JAKMIP1: variants seen among roughly 807,000 people sequenced by gnomAD.
The protein encoded by JAKMIP1 is janus kinase and microtubule-interacting protein 1.
JAKMIP1 carries 33 observed loss-of-function variants against 113.0 expected under a neutral mutation model. The ratio of observed to expected loss-of-function variants is 0.29; its 90% CI spans 0.22 to 0.39. JAKMIP1 has a LOEUF of 0.39. JAKMIP1 is among the 10% of genes least tolerant of loss of function. The pLI is 1.00. For missense variants in JAKMIP1, 813 were observed against 1,080.5 expected (o/e 0.75, Z 3.47); for synonymous variants, 480 against 459.9 (o/e 1.04, Z -0.56).
chr4:6,133,745 CT>C (rs1236648758), intron 1 of JAKMIP1, among the ~76,000 whole-genome samples: 1 of 152,226 alleles, frequency 6.6e-6, no homozygotes, highest in African/African-American at 2.4e-5. Flanking sequence ...CTTGGCAAAT[CT>C]GCCACACAGT....
intron 1 of JAKMIP1, among the ~76,000 whole-genome samples, chr4:6,196,303 A>G (rs1370370939): frequency 1.3e-5 from 2 of 151,956 alleles, no homozygotes; most frequent in Non-Finnish European, 1.5e-5. Flanking sequence ...GGGCTTCCTA[A>G]CCCAGCCCTT....
At chr4:6,125,489 C>T (rs1717291388) in intron 1 of JAKMIP1, among the ~76,000 whole-genome samples, 1 of 152,210 alleles carries the variant, frequency 6.6e-6, no homozygotes, top group South Asian at 2.1e-4. Context: ...CCAACAGACA[C>T]CTGAGAGTCC....
chr4:6,032,291 T>C (rs1363906304), intron 19 of JAKMIP1, among the ~76,000 whole-genome samples: 5 of 152,238 alleles, frequency 3.3e-5, no homozygotes, highest in African/African-American at 1.2e-4. Flanking sequence ...AAAATCAGCC[T>C]GACAACCTGG....
At chr4:6,096,162 G>C (rs1186601133) in intron 3 of JAKMIP1, among the ~76,000 whole-genome samples, 1 of 152,186 alleles carries the variant, frequency 6.6e-6, no homozygotes, top group Non-Finnish European at 1.5e-5. Context: ...AAAGGCACCT[G>C]CTGTCTTCTC....
chr4:6,169,072 G>A (rs1292637033), intron 1 of JAKMIP1, among the ~76,000 whole-genome samples: 1 of 152,180 alleles, frequency 6.6e-6, no homozygotes, highest in Non-Finnish European at 1.5e-5. Flanking sequence ...GCATAACACT[G>A]TGAATATATT....
rs1019372538 is a variant in JAKMIP1, at chr4:6,154,693, G to A, written c.-147-41696C>T. Among the ~76,000 whole-genome samples, 8 of 151,866 alleles carry A rather than the reference G, an allele frequency of 5.3e-5. No individual in the cohort carries two copies. Among genetic ancestry groups the A allele is most frequent in the Non-Finnish European group, 1.0e-4 (7 of 68,002 alleles). ...AATGGAATTCTTTTCAATCCGGCCC[G>A]CTGAACCCCTCTTTCAGTTTACTTA... On this transcript the variant is annotated intron_variant, in intron 1 of 20. Coordinates refer to ENST00000409021, the MANE Select transcript of JAKMIP1 (RefSeq NM_001099433.2). The surrounding 1 kb of genome is among the most constrained non-coding windows in gnomAD (Gnocchi z 4.2).
intron 1 of JAKMIP1, among the ~76,000 whole-genome samples, chr4:6,196,770 A>G (rs1026210813): frequency 5.3e-5 from 8 of 151,956 alleles, no homozygotes; most frequent in Non-Finnish European, 8.8e-5. Flanking sequence ...CTGAGGCAGG[A>G]GAATCACTTG....
rs551858092 is a variant in JAKMIP1, at chr4:6,052,360, T to C, written c.1807-1681A>G. 1.1e-4 allele frequency among the ~76,000 whole-genome samples: 16 copies of C among 152,246 alleles called. No homozygotes were observed. In the South Asian group the frequency reaches 3.3e-3, roughly 32 times the overall value. Reference sequence around the variant, plus strand: ...AGATTTTATATGAACAAAAGTCATTTTGTAGGCCGGGCATGGTAGCTTATA... The same window carrying C: ...AGATTTTATATGAACAAAAGTCATTCTGTAGGCCGGGCATGGTAGCTTATA... On this transcript the variant is annotated intron_variant, in intron 13 of 20. Coordinates refer to ENST00000409021, the MANE Select transcript of JAKMIP1 (RefSeq NM_001099433.2).
chr4:6,164,584 C>T (rs1222651282), intron 1 of JAKMIP1, among the ~76,000 whole-genome samples: 2 of 152,092 alleles, frequency 1.3e-5, no homozygotes, highest in African/African-American at 2.4e-5. Flanking sequence ...GATAGTGATT[C>T]CTCTGATGTA....
intron 8 of JAKMIP1, among the ~76,000 whole-genome samples, chr4:6,078,140 C>G (rs1444391849): frequency 6.6e-6 from 1 of 152,074 alleles, no homozygotes; most frequent in East Asian, 1.9e-4. Flanking sequence ...AATGGTGAAA[C>G]CCTGCCGCTA....
At chr4:6,169,603 T>TTTTGTG (rs1553860158) in intron 1 of JAKMIP1, among the ~76,000 whole-genome samples, 30 of 137,376 alleles carry the variant, frequency 2.2e-4, no homozygotes, top group Non-Finnish European at 3.8e-4. Flanking sequence ...CCCTAGGAAA[T>TTTTGTG]TGTGTGTGTG....
intron 8 of JAKMIP1, among the ~76,000 whole-genome samples, chr4:6,073,476 G>C (rs1357622620): frequency 1.3e-5 from 2 of 152,208 alleles, no homozygotes; most frequent in African/African-American, 4.8e-5. Context: ...TCCCTTAAAG[G>C]ATGATTACTG....
rs1714039373 is a variant in JAKMIP1, at chr4:6,106,801, C to G, written c.130-834G>C. On this transcript the variant is annotated intron_variant, in intron 2 of 20. Coordinates refer to ENST00000409021, the MANE Select transcript of JAKMIP1 (RefSeq NM_001099433.2). This position sits in a 1 kb window ranked among gnomAD's most constrained non-coding sequence, Gnocchi z 5.9. Reference sequence around the variant, plus strand: ...TTTCAAATATCACTCAACACACATTCCACAGGAACGCCTGACAAGCCCTTA... The same window carrying G: ...TTTCAAATATCACTCAACACACATTGCACAGGAACGCCTGACAAGCCCTTA... Among the ~76,000 whole-genome samples the G allele has an allele frequency of 1.3e-5, 2 of 152,188 alleles. No homozygotes were observed. Among genetic ancestry groups the G allele is most frequent in the African/African-American group, 4.8e-5 (2 of 41,454 alleles).
chr4:6,197,560 G>A lies in JAKMIP1; in HGVS notation c.-148+2693C>T, dbSNP rs1032900856. Among the ~76,000 whole-genome samples, 7 of 152,152 alleles carry A rather than the reference G, an allele frequency of 4.6e-5. No individual in the cohort carries two copies. Among genetic ancestry groups the A allele is most frequent in the African/African-American group, 1.7e-4 (7 of 41,438 alleles). ...TTACCCAAGATCACACAATGACAAG[G>A]GATAAACTACAGGCAAGTCCAACTT... is the stretch of plus-strand genomic sequence containing the variant. On this transcript the variant is annotated intron_variant, in intron 1 of 20. Coordinates refer to ENST00000409021, the MANE Select transcript of JAKMIP1 (RefSeq NM_001099433.2). The surrounding 1 kb of genome is among the most constrained non-coding windows in gnomAD (Gnocchi z 6.5).
Position 6,064,826 on chromosome 4 carries a change from G to T in JAKMIP1, c.1431+54C>A. On this transcript the variant is annotated intron_variant, in intron 9 of 20. Coordinates refer to ENST00000409021, the MANE Select transcript of JAKMIP1 (RefSeq NM_001099433.2). This position sits in a 1 kb window ranked among gnomAD's most constrained non-coding sequence, Gnocchi z 4.3. ...CTTGCAACTATCAAAAGCAGGAGGT[G>T]CCGCCCCGAGAGCATCTGGGGTGAG... The T allele has an allele frequency of 6.2e-7, 1 of 1,609,188 alleles. No individual in the cohort carries two copies. Among genetic ancestry groups the T allele is most frequent in the Non-Finnish European group, 8.5e-7 (1 of 1,177,290 alleles).
Position 6,179,564 on chromosome 4 carries a change from A to G in JAKMIP1, c.-148+20689T>C, listed in dbSNP as rs1725782286. On this transcript the variant is annotated intron_variant, in intron 1 of 20. Transcript: ENST00000409021. This position sits in a 1 kb window ranked among gnomAD's most constrained non-coding sequence, Gnocchi z 4.5. ...AAGCCCATTGCCCTGACACAAACCT[A>G]CCTCCTCTGCAAAAGGTGACCCTGC... 6.6e-6 allele frequency among the ~76,000 whole-genome samples: 1 copy of G among 152,008 alleles called. No individual in the cohort carries two copies. Among genetic ancestry groups the G allele is most frequent in the East Asian group, 1.9e-4 (1 of 5,184 alleles).
intron 16 of JAKMIP1, among the ~76,000 whole-genome samples, chr4:6,046,697 C>G (rs1218709638): frequency 6.6e-6 from 1 of 152,208 alleles, no homozygotes; most frequent in Non-Finnish European, 1.5e-5. Context: ...ACCTCCTCAG[C>G]TGTCCTAGAG....
rs953104915 is a variant in JAKMIP1, at chr4:6,140,506, C to T, written c.-147-27509G>A. On this transcript the variant is annotated intron_variant, in intron 1 of 20. Coordinates refer to ENST00000409021, the MANE Select transcript of JAKMIP1 (RefSeq NM_001099433.2). This position sits in a 1 kb window ranked among gnomAD's most constrained non-coding sequence, Gnocchi z 9.4. ...CGTGGTCCCCCCGATCAGCTTAAGG[C>T]CCCTTCCAATAATGTGGCTCGGGTC... Among the ~76,000 whole-genome samples, 1 of 152,082 alleles carries T rather than the reference C, an allele frequency of 6.6e-6. No individual in the cohort carries two copies. Among genetic ancestry groups the T allele is most frequent in the Admixed American group, 6.5e-5 (1 of 15,274 alleles).
Position 6,136,717 on chromosome 4 carries a change from G to A in JAKMIP1, c.-147-23720C>T, listed in dbSNP as rs1366717033. Among the ~76,000 whole-genome samples the A allele has an allele frequency of 6.6e-6, 1 of 152,088 alleles. No individual in the cohort carries two copies. The highest frequency in any genetic ancestry group is 2.4e-5 in the African/African-American group (1 of 41,388). Reference sequence around the variant, plus strand: ...GAATTCCAAGAAATGGCCTGCCCAGGAAAAATAAATAAATAACAAGAACTT... The same window carrying A: ...GAATTCCAAGAAATGGCCTGCCCAGAAAAAATAAATAAATAACAAGAACTT... On this transcript the variant is annotated intron_variant, in intron 1 of 20. Transcript: ENST00000409021. The surrounding 1 kb of genome is among the most constrained non-coding windows in gnomAD (Gnocchi z 5.9).
Sources: gnomAD v4.1 joint callset for allele counts (sites outside exome capture counted in the v4.1 genomes callset) on GRCh38, gnomAD v4.1.1 for gene constraint, Gnocchi (gnomAD v3.1) non-coding constraint, MANE v1.5 for transcripts, NCBI Gene and HGNC (gene_info 2026-07-23, HGNC 2026-07-21) for gene names.